The following NOTCH1 variants were observed in gnomAD, a reference collection of about 807,000 sequenced individuals.
NOTCH1 encodes neurogenic locus notch homolog protein 1.
A neutral mutation model predicts 254.8 loss-of-function variants in NOTCH1; 37 were observed. The observed-to-expected ratio is 0.15, with a 90% CI of 0.11 to 0.19. NOTCH1 has a LOEUF of 0.19. NOTCH1 is among the 10% of genes least tolerant of loss of function. The pLI is 1.00. For synonymous variants in NOTCH1, 1,731 were observed against 1,618.1 expected (o/e 1.07, Z -1.68); for missense variants, 2,972 against 3,708.6 (o/e 0.80, Z 5.16).
intron 2 of NOTCH1, among the ~76,000 whole-genome samples, chr9:136,527,099 TG>T (rs958838552): frequency 1.3e-5 from 2 of 152,140 alleles, no homozygotes; most frequent in African/African-American, 2.4e-5. Context: ...GGTCTGTGTG[TG>T]GGGGGCAGCT....
intron 27 of NOTCH1, 51 bp downstream of exon 27, chr9:136,503,131 G>T (rs760778213): frequency 1.9e-6 from 3 of 1,610,944 alleles, no homozygotes; most frequent in Non-Finnish European, 2.5e-6. Context: ...GGCACGGGGG[G>T]ATGGCACCCC....
rs142352028 is a variant in NOTCH1 at position 136,534,373 on chromosome 9, C to T, written c.140+9651G>A. ...AATGGACTCCGAGGCCAGGGGACTG[C>T]GTAGACAGGGTCGACATCTGATGAC... On this transcript the variant is annotated intron_variant, in intron 2 of 33. Coordinates refer to ENST00000651671, the MANE Select transcript of NOTCH1 (RefSeq NM_017617.5). Among the ~76,000 whole-genome samples, 671 of 152,324 alleles carry T rather than the reference C, an allele frequency of 4.4e-3. 5 individuals carry two copies. Among genetic ancestry groups the T allele is most frequent in the African/African-American group, 0.014 (593 of 41,558 alleles).
In NOTCH1 at chr9:136,513,654, C is replaced by T. The variant is rs567543418; in HGVS notation, c.2208-117G>A. On this transcript the variant is annotated intron_variant, in intron 13 of 33. Coordinates refer to ENST00000651671, the MANE Select transcript of NOTCH1 (RefSeq NM_017617.5). The surrounding 1 kb of genome is among the most constrained non-coding windows in gnomAD (Gnocchi z 4.7). The stretch of plus-strand genomic sequence containing the variant: ...GCGGAGGTGCCCATCCACTCAGACT[C>T]GCAGAGTCCTTTAGTGGGGGCAGGC... 7.5e-5 allele frequency: 88 copies of T among 1,181,020 alleles called. No homozygotes were observed. In the African/African-American group the frequency reaches 9.8e-4, roughly 13 times the overall value. 73.2% of individuals were successfully genotyped at this position (1,181,020 alleles called of 1,614,324 possible).
chr9:136,530,964 C>T (rs925611087), intron 2 of NOTCH1, among the ~76,000 whole-genome samples: 10 of 152,268 alleles, frequency 6.6e-5, no homozygotes, highest in African/African-American at 2.4e-4. Context: ...CCTCCCACCA[C>T]TGCTCCTGAA....
chr9:136,500,668 G>A lies in NOTCH1; in HGVS notation c.5818C>T (p.Arg1940Cys), dbSNP rs745809124. The change falls in exon 31 of 34, where the codon CGC becomes TGC. Residue 1940 changes from arginine to cysteine, a missense_variant. Physicochemically the swap from Arg to Cys is radical, Grantham distance 180. Around this residue, in one of 8 missense-constraint regions of NOTCH1, gnomAD observed 421 missense variants for 604.4 expected, o/e 0.70. Coordinates refer to ENST00000651671, the MANE Select transcript of NOTCH1 (RefSeq NM_017617.5). Reference protein sequence around the residue: ...TALHLAARYSRSDAAKRLLEA... With the variant: ...TALHLAARYSCSDAAKRLLEA... ...AGCAGGCGCTTGGCGGCATCAGAGCGTGAGTAGCGGGCGGCCAGGTGCAAG... is the reference window on the plus strand; with the variant it reads ...AGCAGGCGCTTGGCGGCATCAGAGCATGAGTAGCGGGCGGCCAGGTGCAAG... 3.1e-6 allele frequency: 5 copies of A among 1,611,638 alleles called. No homozygotes were observed. The highest frequency in any genetic ancestry group is 4.2e-6 in the Non-Finnish European group (5 of 1,179,904).
At chr9:136,534,507 C>T (rs1366802083) in intron 2 of NOTCH1, among the ~76,000 whole-genome samples, 1 of 152,154 alleles carries the variant, frequency 6.6e-6, no homozygotes, top group African/African-American at 2.4e-5. Flanking sequence ...TCTCAACTAG[C>T]AACCAAGGAG....
At position 136,514,590 on chromosome 9, in the gene NOTCH1, G is replaced by A. The variant is rs755898711; in HGVS notation, c.2127C>T (p.His709=). Residue 709 remains histidine (H), a synonymous_variant, in exon 13 of 34, where the codon CAC becomes CAT. Transcript: ENST00000651671. ...TGACCTCAGACAGGCAGGTGGGGTC[G>A]TGGTAGCCCTCGGGGCAGCGGCAGG... ...GFTCRCPEGY[H]DPTCLSEVNE... The A allele has an allele frequency of 3.1e-5, 50 of 1,608,368 alleles. No individual in the cohort carries two copies. Among genetic ancestry groups the A allele is most frequent in the Non-Finnish European group, 3.6e-5 (42 of 1,178,420 alleles).
chr9:136,523,086 C>T lies in NOTCH1; in HGVS notation c.506G>A (p.Ser169Asn), dbSNP rs984149150. The change falls in exon 4 of 34, where the codon AGC becomes AAC. Residue 169 changes from serine (S) to asparagine (N), a missense_variant. Physicochemically the swap from Ser to Asn is conservative, Grantham distance 46. Transcript: ENST00000651671. ...EASYICHCPP[S>N]FHGPTCRQDV... ...CTGCCGGCAGGTGGGGCCATGGAAG[C>T]TGGGTGGGCAGTGGCAGATGTAGGA... The T allele has an allele frequency of 6.3e-7, 1 of 1,595,946 alleles. No individual in the cohort carries two copies. The highest frequency in any genetic ancestry group is 1.3e-5 in the African/African-American group (1 of 74,770).
chr9:136,497,656 T>C (rs1842939509), intron 33 of NOTCH1, 98 bp from the exon 34 acceptor site: 1 of 1,040,868 alleles, frequency 9.6e-7, no homozygotes, highest in Non-Finnish European at 1.4e-6. Flanking sequence ...TACAACCTCC[T>C]CCGCGGGGTG....
intron 33 of NOTCH1, among the ~76,000 whole-genome samples, chr9:136,498,235 T>G (rs1159001842): frequency 2.4e-3 from 12 of 5,052 alleles, no homozygotes; most frequent in African/African-American, 0.011. Context: ...CAGCAGGAGT[T>G]GGGGGCGGGG....
chr9:136,528,196 C>T (rs1204515834), intron 2 of NOTCH1, among the ~76,000 whole-genome samples: 1 of 148,466 alleles, frequency 6.7e-6, no homozygotes, highest in Non-Finnish European at 1.5e-5. Flanking sequence ...TCATGCAGGG[C>T]CAGGGATGGG....
chr9:136,512,328 C>T (rs1843193848), intron 15 of NOTCH1, among the ~76,000 whole-genome samples: 1 of 152,198 alleles, frequency 6.6e-6, no homozygotes, highest in African/African-American at 2.4e-5. Context: ...CTGCCTGGCC[C>T]AGGCAGGCCC....
chr9:136,513,445 G>T lies in NOTCH1; in HGVS notation c.2300C>A (p.Thr767Asn). 6.2e-7 allele frequency: 1 copy of T among 1,613,122 alleles called. No homozygotes were observed. The highest frequency in any genetic ancestry group is 2.2e-5 in the East Asian group (1 of 44,894). ...GTAGCCACTGGTCATGTCTTTGCAGGTGCCGCCGTTGACACAAGGGTTGGA... is the reference window on the plus strand; with the variant it reads ...GTAGCCACTGGTCATGTCTTTGCAGTTGCCGCCGTTGACACAAGGGTTGGA... ...CESNPCVNGGTCKDMTSGYVC... is the reference protein window; with the variant it reads ...CESNPCVNGGNCKDMTSGYVC... The change falls in exon 14 of 34, where the codon ACC (threonine) becomes AAC (asparagine). Residue 767 changes from threonine (T) to asparagine (N), a missense_variant. By Grantham distance (65) the Thr-to-Asn change is moderately conservative (BLOSUM62 0). Coordinates refer to ENST00000651671, the MANE Select transcript of NOTCH1 (RefSeq NM_017617.5). The surrounding 1 kb of genome is among the most constrained non-coding windows in gnomAD (Gnocchi z 4.7).
At chr9:136,510,041 C>CTGGGGACAGCCCAGCCTTTCGT in intron 17 of NOTCH1, 80 bp from the exon 18 acceptor site, 1 of 1,356,262 alleles carries the variant, frequency 7.4e-7, no homozygotes, top group East Asian at 2.3e-5. Flanking sequence ...GGCTGCATGG[C>CTGGGGACAGCCCAGCCTTTCGT]TGGGGACAGC....
At chr9:136,543,895 A>T (rs776125680) in intron 2 of NOTCH1, 129 bp downstream of exon 2, 72 of 867,792 alleles carry the variant, frequency 8.3e-5, no homozygotes, top group Middle Eastern at 3.0e-4. Context: ...AAAAGTCAGC[A>T]CGTGACCGTG....
At chr9:136,536,271 C>A (rs1485403973) in intron 2 of NOTCH1, among the ~76,000 whole-genome samples, 1 of 152,164 alleles carries the variant, frequency 6.6e-6, no homozygotes, top group African/African-American at 2.4e-5. Flanking sequence ...TGGCCTGGTG[C>A]CCTGCAGGGG....
chr9:136,522,602 G>A, intron 4 of NOTCH1: 1 of 517,480 alleles, frequency 1.9e-6, no homozygotes, highest in Non-Finnish European at 3.4e-6. Context: ...GCTCGAATGT[G>A]AGTTCCGGGA....
chr9:136,520,088 C>A (rs1406404437), intron 4 of NOTCH1, among the ~76,000 whole-genome samples: 1 of 152,146 alleles, frequency 6.6e-6, no homozygotes, highest in Non-Finnish European at 1.5e-5. Context: ...CTCCTCCTCC[C>A]CCTCCTCCTC....
chr9:136,543,189 G>A (rs148490255), intron 2 of NOTCH1: 1 of 169,884 alleles, frequency 5.9e-6, no homozygotes, highest in African/African-American at 2.4e-5. Context: ...AGGCGGGTCC[G>A]ATTTTGAAGA....
Sources: gnomAD v4.1 joint callset for allele counts (sites outside exome capture counted in the v4.1 genomes callset) on GRCh38, gnomAD v4.1.1 for gene constraint, gnomAD v4.1.1 regional missense constraint, Gnocchi (gnomAD v3.1) non-coding constraint, MANE v1.5 for transcripts, NCBI Gene and HGNC (gene_info 2026-07-23, HGNC 2026-07-21) for gene names.